The following SLIT3 variants were observed in gnomAD, a reference collection of about 807,000 sequenced individuals.
SLIT3 encodes slit homolog 3 protein.
A neutral mutation model predicts 184.0 loss-of-function variants in SLIT3; 68 were observed. The observed-to-expected ratio is 0.37, with a 90% CI of 0.30 to 0.45. The LOEUF (loss-of-function observed/expected upper bound fraction) is 0.45, where lower values mean the gene tolerates loss of function less well. Ranked by LOEUF, SLIT3 falls within the 20% of genes least tolerant of loss-of-function variation. The pLI, the probability that SLIT3 is intolerant of heterozygous loss-of-function variation, is 1.00. For missense variants in SLIT3, 1,707 were observed against 2,026.0 expected (o/e 0.84, Z 3.02); for synonymous variants, 831 against 828.6 (o/e 1.00, Z -0.05).
intron 14 of SLIT3, among the ~76,000 whole-genome samples, chr5:168,770,010 T>A (rs149173867): frequency 1.7e-4 from 26 of 152,322 alleles, no homozygotes; most frequent in African/African-American, 6.0e-4. Flanking sequence ...GTCACCACCC[T>A]CTGTACTTTT....
chr5:168,886,527 C>A (rs1406603390), intron 4 of SLIT3, among the ~76,000 whole-genome samples: 1 of 152,150 alleles, frequency 6.6e-6, no homozygotes, highest in Non-Finnish European at 1.5e-5. Context: ...CTAGCGCTGG[C>A]CAATTTCCTG....
chr5:168,967,595 A>G (rs1763253623), intron 4 of SLIT3, among the ~76,000 whole-genome samples: 2 of 141,958 alleles, frequency 1.4e-5, no homozygotes, highest in African/African-American at 5.1e-5. Flanking sequence ...GCCCGCCACT[A>G]CGCCCGGCTA....
intron 1 of SLIT3, among the ~76,000 whole-genome samples, chr5:169,252,079 T>A (rs1214509787): frequency 6.6e-6 from 1 of 152,222 alleles, no homozygotes; most frequent in Non-Finnish European, 1.5e-5. Flanking sequence ...TAAACCAGTT[T>A]GAGTTGAATT....
At chr5:169,135,173 C>T (rs1339038769) in intron 4 of SLIT3, among the ~76,000 whole-genome samples, 1 of 152,198 alleles carries the variant, frequency 6.6e-6, no homozygotes, top group Non-Finnish European at 1.5e-5. Context: ...GTGATACAAT[C>T]TCAGCTCATT....
chr5:168,934,965 TAA>T (rs59434182), intron 4 of SLIT3, among the ~76,000 whole-genome samples: 2,666 of 120,410 alleles, frequency 0.022, 90 homozygotes, highest in African/African-American at 0.075. Flanking sequence ...CCATCTCTAC[TAA>T]AAAAAAAAAA....
chr5:168,956,986 T>G (rs1364556616), intron 4 of SLIT3, among the ~76,000 whole-genome samples: 1 of 151,460 alleles, frequency 6.6e-6, no homozygotes, highest in Non-Finnish European at 1.5e-5. Context: ...CCCAGCACTT[T>G]GGGAGGCCGA....
intron 4 of SLIT3, among the ~76,000 whole-genome samples, chr5:169,082,622 G>A (rs1188400638): frequency 6.6e-6 from 1 of 152,126 alleles, no homozygotes; most frequent in East Asian, 1.9e-4. Flanking sequence ...GAATCCTGTG[G>A]TAGAATTGTA....
chr5:168,740,387 G>C (rs1357195718), intron 20 of SLIT3, among the ~76,000 whole-genome samples: 1 of 152,220 alleles, frequency 6.6e-6, no homozygotes, highest in Non-Finnish European at 1.5e-5. Context: ...GCTTGCAACA[G>C]CCTCTCACAC....
chr5:169,291,870 C>T (rs1346870543), intron 1 of SLIT3, among the ~76,000 whole-genome samples: 2 of 152,182 alleles, frequency 1.3e-5, no homozygotes, highest in South Asian at 2.1e-4. Flanking sequence ...GATGTTATTT[C>T]ACCTCTCTGA....
chr5:169,243,157 G>C (rs1336523966), intron 3 of SLIT3, among the ~76,000 whole-genome samples: 1 of 152,166 alleles, frequency 6.6e-6, no homozygotes, highest in East Asian at 1.9e-4. Context: ...CACTGGCATA[G>C]TTCCTGGCAT....
chr5:168,913,549 C>T (rs141658174), intron 4 of SLIT3, among the ~76,000 whole-genome samples: 2,709 of 152,152 alleles, frequency 0.018, 37 homozygotes, highest in Middle Eastern at 0.034. Flanking sequence ...AGGTGGATCA[C>T]GTAAGGTCAG....
intron 4 of SLIT3, among the ~76,000 whole-genome samples, chr5:168,894,445 CT>C (rs1470471150): frequency 2.0e-5 from 3 of 152,106 alleles, no homozygotes; most frequent in East Asian, 3.9e-4. Flanking sequence ...CTATGGGAAT[CT>C]TTTTTTCCCC....
At position 168,698,829 on chromosome 5, in the gene SLIT3, G is replaced by A. The variant is rs563796902; in HGVS notation, c.2942+1753C>T. ...CCTTCCACCCCATTTCCCTGATCCT[G>A]TAGATCTGGGCCCTTTTCCTTTTAC... On this transcript the variant is annotated intron_variant, in intron 27 of 35. Transcript: ENST00000519560. Among the ~76,000 whole-genome samples the A allele has an allele frequency of 2.0e-5, 3 of 152,136 alleles. No individual in the cohort carries two copies. In the East Asian group the frequency reaches 5.8e-4, roughly 29 times the overall value.
chr5:168,920,537 G>T (rs985998118), intron 4 of SLIT3, among the ~76,000 whole-genome samples: 1 of 152,098 alleles, frequency 6.6e-6, no homozygotes, highest in African/African-American at 2.4e-5. Flanking sequence ...GAATACAGAT[G>T]CCTGCTGTTG....
rs1310602661 is a variant in SLIT3 at position 168,665,894 on chromosome 5, A to G, written c.*560T>C. 1.3e-5 allele frequency: 2 copies of G among 152,010 alleles called. No individual in the cohort carries two copies. The highest frequency in any genetic ancestry group is 4.8e-5 in the African/African-American group (2 of 41,350). The allele number at this position is 152,010 out of a possible 1,614,324, so 9.4% of individuals were successfully genotyped here. On this transcript the variant is annotated 3_prime_UTR_variant, in exon 36 of 36. Coordinates refer to ENST00000519560, the MANE Select transcript of SLIT3 (RefSeq NM_003062.4). ...GGCATTTTGGGCACTGACATCCAGGACTCCGAAAAGCTGGGTAATTTTAGG... is the reference window on the plus strand; with the variant it reads ...GGCATTTTGGGCACTGACATCCAGGGCTCCGAAAAGCTGGGTAATTTTAGG...
chr5:168,744,082 G>C (rs1182653918), intron 20 of SLIT3, among the ~76,000 whole-genome samples: 3 of 152,304 alleles, frequency 2.0e-5, no homozygotes, highest in Middle Eastern at 3.4e-3. Context: ...AAGGTCAGGA[G>C]ATCGAGACCA....
At chr5:168,806,854 G>T (rs549956865) in intron 8 of SLIT3, among the ~76,000 whole-genome samples, 7 of 152,200 alleles carry the variant, frequency 4.6e-5, no homozygotes, top group African/African-American at 9.6e-5. Context: ...AGAAAGAGGG[G>T]CCCTCAGAGT....
rs374581900 is a variant in SLIT3 at position 168,880,590 on chromosome 5, A to C, written c.485+2675T>G. Among the ~76,000 whole-genome samples, 4 of 152,386 alleles carry C rather than the reference A, an allele frequency of 2.6e-5. No homozygotes were observed. The East Asian group carries it at 5.8e-4, about 22-fold the overall frequency. On this transcript the variant is annotated intron_variant, in intron 5 of 35. Coordinates refer to ENST00000519560, the MANE Select transcript of SLIT3 (RefSeq NM_003062.4). The stretch of plus-strand genomic sequence containing the variant: ...CTTTCTAAATACCTTTCATGCATCA[A>C]GCGTAGGACTAAGTTATTCATATGC...
chr5:169,062,727 T>A (rs1197811888), intron 4 of SLIT3, among the ~76,000 whole-genome samples: 1 of 152,250 alleles, frequency 6.6e-6, no homozygotes, highest in Non-Finnish European at 1.5e-5. Context: ...GAGCACAGAT[T>A]CTGCCTGTTA....
Sources: gnomAD v4.1 joint callset for allele counts (sites outside exome capture counted in the v4.1 genomes callset) on GRCh38, gnomAD v4.1.1 for gene constraint, MANE v1.5 for transcripts, NCBI Gene and HGNC (gene_info 2026-07-23, HGNC 2026-07-21) for gene names.